Variants in SPP1 observed in about 807,000 individuals in gnomAD.
SPP1 encodes the protein osteopontin.
SPP1 carries 18 observed loss-of-function variants against 20.8 expected under a neutral mutation model. That is an observed-to-expected ratio of 0.87 (90% confidence interval 0.60 to 1.29). The LOEUF (loss-of-function observed/expected upper bound fraction) is 1.29. Ranked by LOEUF, SPP1 falls within the 50% of genes most tolerant of loss-of-function variation. The probability of loss-of-function intolerance (pLI) is 0.00; values close to 1 mark genes in which losing one functional copy is unlikely to be tolerated. For synonymous variants in SPP1, 146 were observed against 141.5 expected (o/e 1.03, Z -0.23); for missense variants, 363 against 389.0 (o/e 0.93, Z 0.56).
intron 4 of SPP1, 129 bp downstream of exon 4, chr4:87,980,255 A>T: frequency 2.1e-6 from 3 of 1,461,022 alleles, no homozygotes; most frequent in South Asian, 2.4e-5. Flanking sequence ...CTGATCTGCC[A>T]TGTTGGCTTC....
At position 87,982,618 on chromosome 4, in the gene SPP1, GA is replaced by G; in HGVS notation, c.668del (p.Asp223AlafsTer38). 6.2e-7 allele frequency: 1 copy of G among 1,614,140 alleles called. No homozygotes were observed. On this transcript the variant is annotated frameshift_variant, in exon 7 of 7. Transcript: ENST00000395080. LOFTEE classifies it low-confidence loss of function (END_TRUNC). ...APSDWDSRGK[D>X]SYETSQLDDQ... Reference sequence around the variant, plus strand: ...TTCTGATTGGGACAGCCGTGGGAAGGACAGTTATGAAACGAGTCAGCTGGAT... The same window carrying G: ...TTCTGATTGGGACAGCCGTGGGAAGGCAGTTATGAAACGAGTCAGCTGGAT...
rs1725593018 is a variant in SPP1, at chr4:87,980,402, T to C, written c.184T>C (p.Ser62Pro). The change falls in exon 5 of 7, where the codon TCC (serine) becomes CCC (proline). Residue 62 changes from serine (S) to proline (P), a missense_variant. Physicochemically the swap from Ser to Pro is moderately conservative, Grantham distance 74. Transcript: ENST00000395080. The part of the protein sequence containing the change: ...QNLLAPQNAV[S>P]SEETNDFKQE... The stretch of plus-strand genomic sequence containing the variant: ...GCCATTCCTTCTTCAGAATGCTGTG[T>C]CCTCTGAAGAAACCAATGACTTTAA... 1 of 1,614,198 alleles carries C rather than the reference T, an allele frequency of 6.2e-7. No homozygotes were observed. The highest frequency in any genetic ancestry group is 8.5e-7 in the Non-Finnish European group (1 of 1,180,024).
chr4:87,980,466 A>C, intron 5 of SPP1, 32 bp downstream of exon 5: 1 of 1,611,908 alleles, frequency 6.2e-7, no homozygotes, highest in Non-Finnish European at 8.5e-7. Context: ...GAGGCCCATC[A>C]TGCCTTGAAG....
intron 3 of SPP1, among the ~76,000 whole-genome samples, chr4:87,978,540 G>A (rs945495350): frequency 6.6e-6 from 1 of 151,730 alleles, no homozygotes; most frequent in Admixed American, 6.6e-5. Flanking sequence ...CCGCCACCAC[G>A]CCCGGATAAT....
intron 3 of SPP1, among the ~76,000 whole-genome samples, chr4:87,978,563 T>A (rs1725503167): frequency 1.3e-5 from 2 of 152,036 alleles, no homozygotes. Flanking sequence ...TTTGTATTTT[T>A]AGTAGAGACG....
At chr4:87,980,205 T>A in intron 4 of SPP1, 79 bp downstream of exon 4, 1 of 1,545,606 alleles carries the variant, frequency 6.5e-7, no homozygotes, top group Admixed American at 1.7e-5. Flanking sequence ...CTCAGATGAA[T>A]CCTGCCTGCC....
At chr4:87,978,625 A>C (rs191220721) in intron 3 of SPP1, among the ~76,000 whole-genome samples, 1 of 151,464 alleles carries the variant, frequency 6.6e-6, no homozygotes, top group Admixed American at 6.6e-5. Flanking sequence ...CTCGTGATCC[A>C]CCCTCCTTGG....
chr4:87,981,551 A>C lies in SPP1; in HGVS notation c.293A>C (p.Asp98Ala). The change falls in exon 6 of 7, where the codon GAC becomes GCC. Residue 98 changes from aspartate to alanine, a missense_variant. Transcript: ENST00000395080. Reference protein sequence around the residue: ...MDDEDDDDHVDSQDSIDSNDS... With the variant: ...MDDEDDDDHVASQDSIDSNDS... ...GATGAAGATGATGATGACCATGTGG[A>C]CAGCCAGGACTCCATTGACTCGAAC... 1 of 1,614,168 alleles carries C rather than the reference A, an allele frequency of 6.2e-7. No individual in the cohort carries two copies. The highest frequency in any genetic ancestry group is 8.5e-7 in the Non-Finnish European group (1 of 1,180,002).
chr4:87,981,456 C>A lies in SPP1; in HGVS notation c.217-19C>A. 6.2e-7 allele frequency: 1 copy of A among 1,604,692 alleles called. No homozygotes were observed. Among genetic ancestry groups the A allele is most frequent in the South Asian group, 1.1e-5 (1 of 90,018 alleles). ...ATAAAAACCCATATATTAATTTTCC[C>A]GGCCATCTTAATTTTCAGACCCTTC... is the stretch of plus-strand genomic sequence containing the variant. On this transcript the variant is annotated intron_variant, in intron 5 of 6. Coordinates refer to ENST00000395080, the MANE Select transcript of SPP1 (RefSeq NM_001040058.2).
At chr4:87,978,506 C>T (rs1725499091) in intron 3 of SPP1, among the ~76,000 whole-genome samples, 1 of 150,614 alleles carries the variant, frequency 6.6e-6, no homozygotes, top group South Asian at 2.1e-4. Context: ...CCCCATTCTC[C>T]TGAGTAGCTG....
Position 87,977,001 on chromosome 4 carries a change from G to T in SPP1, c.54+52G>T, listed in dbSNP as rs1380087952. On this transcript the variant is annotated intron_variant, in intron 2 of 6. Transcript: ENST00000395080. ...ATTCCTGAAAATAACTGAATTGTGT[G>T]CTTCCATGTGCTAGGAGGACATTCT... 2.5e-6 allele frequency: 4 copies of T among 1,612,032 alleles called. No homozygotes were observed. The South Asian group carries it at 4.4e-5, about 18-fold the overall frequency.
chr4:87,980,059 A>T lies in SPP1; in HGVS notation c.107A>T (p.Tyr36Phe). Residue 36 changes from tyrosine to phenylalanine, a missense_variant, in exon 4 of 7, where the codon TAC (tyrosine) becomes TTC (phenylalanine). Tyr to Phe is a conservative substitution (Grantham distance 22, BLOSUM62 3). Coordinates refer to ENST00000395080, the MANE Select transcript of SPP1 (RefSeq NM_001040058.2). ...ACTTTTTTGTAGCTTTACAACAAAT[A>T]CCCAGATGCTGTGGCCACATGGCTA... The part of the protein sequence containing the change: ...SSEEKQLYNK[Y>F]PDAVATWLNP... 1 of 1,614,078 alleles carries T rather than the reference A, an allele frequency of 6.2e-7. No homozygotes were observed. Among genetic ancestry groups the T allele is most frequent in the South Asian group, 1.1e-5 (1 of 91,064 alleles).
In SPP1 at chr4:87,982,810, G is replaced by A. The variant is rs1432709942; in HGVS notation, c.859G>A (p.Val287Ile). 1 of 1,614,186 alleles carries A rather than the reference G, an allele frequency of 6.2e-7. No homozygotes were observed. The highest frequency in any genetic ancestry group is 8.5e-7 in the Non-Finnish European group (1 of 1,180,040). The change falls in exon 7 of 7, where the codon GTA (valine) becomes ATA (isoleucine). Residue 287 changes from valine to isoleucine, a missense_variant. Physicochemically the swap from Val to Ile is conservative, Grantham distance 29 (BLOSUM62 3). Coordinates refer to ENST00000395080, the MANE Select transcript of SPP1 (RefSeq NM_001040058.2). ...EFHSHEDMLVVDPKSKEEDKH... is the reference protein window; with the variant it reads ...EFHSHEDMLVIDPKSKEEDKH... ...TCACAGCCATGAAGATATGCTGGTTGTAGACCCCAAAAGTAAGGAAGAAGA... is the reference window on the plus strand; with the variant it reads ...TCACAGCCATGAAGATATGCTGGTTATAGACCCCAAAAGTAAGGAAGAAGA...
At chr4:87,978,275 T>C (rs1477679299) in intron 3 of SPP1, among the ~76,000 whole-genome samples, 2 of 151,984 alleles carry the variant, frequency 1.3e-5, no homozygotes, top group African/African-American at 2.4e-5. Context: ...ATGTAACTTA[T>C]ACATCCATTC....
chr4:87,977,927 C>A, intron 3 of SPP1: 2 of 932,138 alleles, frequency 2.1e-6, no homozygotes, highest in Non-Finnish European at 1.3e-6. Flanking sequence ...GGTGTTGAAT[C>A]CTAATAATAA....
At position 87,981,683 on chromosome 4, in the gene SPP1, C is replaced by A. The variant is rs570960310; in HGVS notation, c.425C>A (p.Ala142Glu). 6.2e-7 allele frequency: 1 copy of A among 1,614,170 alleles called. No homozygotes were observed. Among genetic ancestry groups the A allele is most frequent in the African/African-American group, 1.3e-5 (1 of 75,030 alleles). ...ACTGATTTTCCCACGGACCTGCCAG[C>A]AACCGAAGTTTTCACTCCAGTTGTC... The part of the protein sequence containing the change: ...LVTDFPTDLP[A>E]TEVFTPVVPT... Residue 142 changes from alanine (A) to glutamate (E), a missense_variant, in exon 6 of 7, where the codon GCA becomes GAA. Transcript: ENST00000395080.
chr4:87,982,807 G>C lies in SPP1; in HGVS notation c.856G>C (p.Val286Leu), dbSNP rs374904785. 1 of 1,614,170 alleles carries C rather than the reference G, an allele frequency of 6.2e-7. No homozygotes were observed. ...HEFHSHEDML[V>L]VDPKSKEEDK... Reference sequence around the variant, plus strand: ...ATTTCACAGCCATGAAGATATGCTGGTTGTAGACCCCAAAAGTAAGGAAGA... The same window carrying C: ...ATTTCACAGCCATGAAGATATGCTGCTTGTAGACCCCAAAAGTAAGGAAGA... The change falls in exon 7 of 7, where the codon GTT becomes CTT. Residue 286 changes from valine to leucine, a missense_variant. Val to Leu is a conservative substitution (Grantham distance 32, BLOSUM62 1). Coordinates refer to ENST00000395080, the MANE Select transcript of SPP1 (RefSeq NM_001040058.2).
intron 3 of SPP1, chr4:87,977,704 C>A: frequency 1.6e-6 from 2 of 1,268,944 alleles, no homozygotes; most frequent in Non-Finnish European, 2.0e-6. Context: ...TGAAACTGTG[C>A]CAGCCAAACA....
At chr4:87,977,729 T>C in intron 3 of SPP1, 1 of 1,279,850 alleles carries the variant, frequency 7.8e-7, no homozygotes, top group Non-Finnish European at 1.0e-6. Flanking sequence ...ATGGGCATTG[T>C]CCCCAGAAGC....
Sources: allele counts gnomAD v4.1 joint callset (sites outside exome capture counted in the v4.1 genomes callset), GRCh38; gene constraint gnomAD v4.1.1; transcripts MANE v1.5; gene names NCBI Gene and HGNC (gene_info 2026-07-23, HGNC 2026-07-21).